Variants in PXN observed in about 807,000 individuals in gnomAD.
The protein encoded by PXN is testicular tissue protein Li 134.
PXN carries 61 observed loss-of-function variants against 103.6 expected under a neutral mutation model. The ratio of observed to expected loss-of-function variants is 0.59; its 90% CI spans 0.48 to 0.73. The LOEUF is 0.73. PXN is among the 30% of genes least tolerant of loss of function. PXN has a pLI of 0.00. For synonymous variants in PXN, 562 were observed against 607.8 expected, an observed-to-expected ratio of 0.92 and a Z score of 1.11; for missense variants, 1,274 against 1,460.3, an observed-to-expected ratio of 0.87 and a Z score of 2.08.
At position 120,215,019 on chromosome 12, in the gene PXN, G is replaced by C. The variant is rs765444017; in HGVS notation, c.2575-21C>G. ...ACAACCTGAGGAGGAGATGGAATGC[G>C]GTCCAGGGCCAAGGCCAGCCCCGGA... On this transcript the variant is annotated intron_variant, in intron 11 of 14. Coordinates refer to ENST00000637617, the MANE Select transcript of PXN (RefSeq NM_001385981.1). This position sits in a 1 kb window ranked among gnomAD's most constrained non-coding sequence, Gnocchi z 4.9. The C allele has an allele frequency of 1.2e-6, 2 of 1,610,226 alleles. No individual in the cohort carries two copies. Among genetic ancestry groups the C allele is most frequent in the Admixed American group, 3.4e-5 (2 of 59,366 alleles).
At chr12:120,242,453 C>T (rs1566421043) in intron 1 of PXN, among the ~76,000 whole-genome samples, 1 of 152,106 alleles carries the variant, frequency 6.6e-6, no homozygotes, top group Non-Finnish European at 1.5e-5. Context: ...ATCCTTCCTG[C>T]CACATGAGCA....
In PXN at chr12:120,214,687, G is replaced by A. The variant is rs1010364559; in HGVS notation, c.2748+138C>T. On this transcript the variant is annotated intron_variant, in intron 12 of 14. Coordinates refer to ENST00000637617, the MANE Select transcript of PXN (RefSeq NM_001385981.1). This position sits in a 1 kb window ranked among gnomAD's most constrained non-coding sequence, Gnocchi z 5.0. ...GTGGTTCAGGTGTGGCTGTGAATCCGGCCCCACTGTTCCCTAGCCCTGTGA... is the reference window on the plus strand; with the variant it reads ...GTGGTTCAGGTGTGGCTGTGAATCCAGCCCCACTGTTCCCTAGCCCTGTGA... 3.8e-5 allele frequency: 43 copies of A among 1,136,418 alleles called. No homozygotes were observed. The highest frequency in any genetic ancestry group is 4.9e-5 in the Non-Finnish European group (39 of 803,534). The allele number at this position is 1,136,418 out of a possible 1,614,324, so 70.4% of individuals were successfully genotyped here. A position where few individuals can be genotyped will look rare whatever the true frequency, so the allele number is the denominator to read the frequency against.
chr12:120,249,305 C>T (rs1891756239), intron 1 of PXN, among the ~76,000 whole-genome samples: 1 of 152,114 alleles, frequency 6.6e-6, no homozygotes. Flanking sequence ...TCCTAAGGTT[C>T]CTTCCAGCTC....
chr12:120,219,460 T>C lies in PXN; in HGVS notation c.1463A>G (p.Gln488Arg). Residue 488 changes from glutamine (Q) to arginine (R), a missense_variant, in exon 7 of 15, where the codon CAG (glutamine) becomes CGG (arginine). Around this residue, in one of 2 missense-constraint regions of PXN, gnomAD observed 1,178 missense variants for 1,309.0 expected, o/e 0.90. Coordinates refer to ENST00000637617, the MANE Select transcript of PXN (RefSeq NM_001385981.1). The surrounding 1 kb of genome is among the most constrained non-coding windows in gnomAD (Gnocchi z 6.5). The part of the protein sequence containing the change: ...TWTLTEEHGL[Q>R]QERPRPEPGR... Reference sequence around the variant, plus strand: ...TGGCTCTGGCCTTGGCCTCTCCTGCTGTAGGCCATGTTCCTCCGTGAGAGT... The same window carrying C: ...TGGCTCTGGCCTTGGCCTCTCCTGCCGTAGGCCATGTTCCTCCGTGAGAGT... 1 of 1,598,400 alleles carries C rather than the reference T, an allele frequency of 6.3e-7. No individual in the cohort carries two copies. Among genetic ancestry groups the C allele is most frequent in the Non-Finnish European group, 8.5e-7 (1 of 1,179,760 alleles).
At chr12:120,236,203 T>G (rs773715412) in intron 1 of PXN, among the ~76,000 whole-genome samples, 1 of 152,250 alleles carries the variant, frequency 6.6e-6, no homozygotes, top group African/African-American at 2.4e-5. Flanking sequence ...AACACAAGCC[T>G]GAGCATAGAG....
In PXN at chr12:120,216,717, G is replaced by A. The variant is rs1292759552; in HGVS notation, c.1992+124C>T. 3.1e-6 allele frequency: 5 copies of A among 1,594,704 alleles called. No individual in the cohort carries two copies. The highest frequency in any genetic ancestry group is 3.4e-6 in the Non-Finnish European group (4 of 1,178,524). On this transcript the variant is annotated intron_variant, in intron 8 of 14. Transcript: ENST00000637617. The surrounding 1 kb of genome is among the most constrained non-coding windows in gnomAD (Gnocchi z 5.1). ...GTGGGGCCAGTCTTCCAAAGTCACA[G>A]GAGGCAAGAAACCCCCACCCTCTCC...
intron 1 of PXN, among the ~76,000 whole-genome samples, chr12:120,239,307 G>C (rs966890805): frequency 6.6e-6 from 1 of 152,224 alleles, no homozygotes; most frequent in Non-Finnish European, 1.5e-5. Flanking sequence ...ATTTAGGCCA[G>C]GCGGGGTGGC....
intron 1 of PXN, among the ~76,000 whole-genome samples, chr12:120,248,995 G>C (rs1891697260): frequency 6.6e-6 from 1 of 152,048 alleles, no homozygotes; most frequent in Admixed American, 6.6e-5. Context: ...AACTTAGTCA[G>C]ATATGGTGTT....
chr12:120,261,722 A>G (rs1013436210), intron 1 of PXN, among the ~76,000 whole-genome samples: 17 of 152,158 alleles, frequency 1.1e-4, no homozygotes, highest in African/African-American at 4.1e-4. Context: ...CAGTCTCTTC[A>G]ATGCATGACC....
Position 120,213,805 on chromosome 12 carries a change from C to T in PXN, c.2979+37G>A. 6.3e-7 allele frequency: 1 copy of T among 1,592,608 alleles called. No homozygotes were observed. Among genetic ancestry groups the T allele is most frequent in the Non-Finnish European group, 8.5e-7 (1 of 1,169,832 alleles). ...AAGACCCCTCTCTCCCCACTGCCTG[C>T]TCCTCGCCCCTCCAGATGTGGTCAG... On this transcript the variant is annotated intron_variant, in intron 14 of 14. Transcript: ENST00000637617. The surrounding 1 kb of genome is among the most constrained non-coding windows in gnomAD (Gnocchi z 4.2).
rs1314794996 is a variant in PXN, at chr12:120,224,389, A to G, written c.14-12T>C. 6.2e-7 allele frequency: 1 copy of G among 1,600,570 alleles called. No homozygotes were observed. Among genetic ancestry groups the G allele is most frequent in the African/African-American group, 1.3e-5 (1 of 74,590 alleles). ...CGCCAGCAGGGCGTCTGCAAAGAGA[A>G]GGCACGGGTAGCAGGTGAGAACCGG... On this transcript the variant is annotated splice_polypyrimidine_tract_variant and intron_variant, in intron 1 of 14. Coordinates refer to ENST00000637617, the MANE Select transcript of PXN (RefSeq NM_001385981.1). This position sits in a 1 kb window ranked among gnomAD's most constrained non-coding sequence, Gnocchi z 5.0.
In PXN at chr12:120,217,147, G is replaced by A. The variant is rs762482842; in HGVS notation, c.1717-31C>T. 69 of 1,515,782 alleles carry A rather than the reference G, an allele frequency of 4.6e-5. No homozygotes were observed. Among genetic ancestry groups the A allele is most frequent in the Middle Eastern group, 1.7e-4 (1 of 5,918 alleles). 93.9% of individuals were successfully genotyped at this position (1,515,782 alleles called of 1,614,324 possible). A position where few individuals can be genotyped will look rare whatever the true frequency, so the allele number is the denominator to read the frequency against. The stretch of plus-strand genomic sequence containing the variant: ...GGGAGGGGGAGGGGAGGCTGTCACC[G>A]TCCCACTCCCAGCTTGCACAACGCT... On this transcript the variant is annotated intron_variant, in intron 7 of 14. Transcript: ENST00000637617. The surrounding 1 kb of genome is among the most constrained non-coding windows in gnomAD (Gnocchi z 4.1).
chr12:120,260,487 G>C (rs187022018), intron 1 of PXN, among the ~76,000 whole-genome samples: 62 of 122,846 alleles, frequency 5.0e-4, no homozygotes, highest in Non-Finnish European at 2.3e-4. Flanking sequence ...TGGGCAATAA[G>C]AGTGAAACTC....
chr12:120,242,881 TA>T (rs63089761), intron 1 of PXN, among the ~76,000 whole-genome samples: 16,672 of 132,508 alleles, frequency 0.13, 2,508 homozygotes, highest in African/African-American at 0.37. Context: ...ACTCGGGCTT[TA>T]AAAAAAAAAA....
chr12:120,231,859 C>T (rs970362385), intron 1 of PXN, among the ~76,000 whole-genome samples: 1 of 152,206 alleles, frequency 6.6e-6, no homozygotes, highest in Admixed American at 6.5e-5. Context: ...CAAGGCCCAC[C>T]CATCAGGCTC....
rs577549570 is a variant in PXN at position 120,246,780 on chromosome 12, G to A, written c.13+18837C>T. On this transcript the variant is annotated intron_variant, in intron 1 of 14. Coordinates refer to ENST00000637617, the MANE Select transcript of PXN (RefSeq NM_001385981.1). ...TGAGGCAGGAGAATCACTTGAACCC[G>A]GGAGGCAGAGGTTGCAGTGAGCCAG... 1.5e-4 allele frequency among the ~76,000 whole-genome samples: 23 copies of A among 151,564 alleles called. No individual in the cohort carries two copies. The South Asian group carries it at 3.8e-3, about 25-fold the overall frequency.
chr12:120,225,282 A>C lies in PXN; in HGVS notation c.14-905T>G, dbSNP rs1244828859. 6.3e-6 allele frequency: 1 copy of C among 158,504 alleles called. No homozygotes were observed. Among genetic ancestry groups the C allele is most frequent in the Non-Finnish European group, 1.4e-5 (1 of 71,374 alleles). 9.8% of individuals were successfully genotyped at this position (158,504 alleles called of 1,614,324 possible). A position where few individuals can be genotyped will look rare whatever the true frequency, so the allele number is the denominator to read the frequency against. ...GACCCTCAACAGCCCCACGGCTCAG[A>C]CAGCCTGGCCCTGGATGCCACACCC... On this transcript the variant is annotated intron_variant, in intron 1 of 14. Transcript: ENST00000637617. The surrounding 1 kb of genome is among the most constrained non-coding windows in gnomAD (Gnocchi z 4.4).
intron 1 of PXN, among the ~76,000 whole-genome samples, chr12:120,255,825 T>G (rs973557081): frequency 2.6e-5 from 4 of 151,348 alleles, no homozygotes; most frequent in African/African-American, 9.7e-5. Flanking sequence ...GTGGGCGGAT[T>G]ACCTGAGCTC....
chr12:120,216,336 T>G lies in PXN; in HGVS notation c.2238A>C (p.Ala746=), dbSNP rs1594354250. The G allele has an allele frequency of 7.8e-7, 1 of 1,284,626 alleles. No homozygotes were observed. Among genetic ancestry groups the G allele is most frequent in the Non-Finnish European group, 9.8e-7 (1 of 1,020,592 alleles). The allele number at this position is 1,284,626 out of a possible 1,614,324, so 79.6% of individuals were successfully genotyped here. A position where few individuals can be genotyped will look rare whatever the true frequency, so the allele number is the denominator to read the frequency against. Residue 746 remains alanine (A), a synonymous_variant, in exon 9 of 15, where the codon GCA becomes GCC. Transcript: ENST00000637617. The surrounding 1 kb of genome is among the most constrained non-coding windows in gnomAD (Gnocchi z 5.1). Reference sequence around the variant, plus strand: ...AGCCCACGGACCTCATGGTGTGGGGTGCAGGAATGGGAAGGGCAGGGCCCT... The same window carrying G: ...AGCCCACGGACCTCATGGTGTGGGGGGCAGGAATGGGAAGGGCAGGGCCCT... ...GVQGPALPIP[A]PHTMRSVGCQ...
Sources: allele counts gnomAD v4.1 joint callset (sites outside exome capture counted in the v4.1 genomes callset), GRCh38; gene constraint gnomAD v4.1.1; regional missense constraint gnomAD v4.1.1; non-coding constraint Gnocchi (gnomAD v3.1); transcripts MANE v1.5; gene names NCBI Gene and HGNC (gene_info 2026-07-23, HGNC 2026-07-21).